The following TRPM3 variants were observed in gnomAD, a reference collection of about 807,000 sequenced individuals.
TRPM3 encodes the protein long transient receptor potential channel 3.
A neutral mutation model predicts 181.2 loss-of-function variants in TRPM3; 77 were observed. That is an observed-to-expected ratio of 0.42 (90% CI 0.35 to 0.51). The LOEUF (loss-of-function observed/expected upper bound fraction) is 0.51. Among genes scored for constraint, TRPM3 ranks in the 20% least tolerant of loss-of-function variants. TRPM3 has a pLI of 0.01. For synonymous variants in TRPM3, 745 were observed against 796.4 expected (o/e 0.94, Z 1.09); for missense variants, 1,759 against 2,196.7 (o/e 0.80, Z 3.98).
At chr9:71,328,225 C>T (rs1000966426) in intron 1 of TRPM3, among the ~76,000 whole-genome samples, 12 of 152,192 alleles carry the variant, frequency 7.9e-5, no homozygotes, top group Non-Finnish European at 1.5e-4. Flanking sequence ...AGTGCAGTGG[C>T]TGATCTCAGC....
intron 1 of TRPM3, among the ~76,000 whole-genome samples, chr9:70,961,676 T>C (rs2097138148): frequency 6.6e-6 from 1 of 152,204 alleles, no homozygotes; most frequent in South Asian, 2.1e-4. Flanking sequence ...GTGACTATTT[T>C]AGTTTTCTCC....
intron 1 of TRPM3, among the ~76,000 whole-genome samples, chr9:71,118,331 T>G (rs1397810654): frequency 6.6e-6 from 1 of 152,202 alleles, no homozygotes; most frequent in Non-Finnish European, 1.5e-5. Flanking sequence ...GGAGGAATAA[T>G]AAGTACATTC....
intron 1 of TRPM3, among the ~76,000 whole-genome samples, chr9:71,066,136 A>G (rs2061892144): frequency 6.6e-6 from 1 of 150,722 alleles, no homozygotes. Context: ...GTTCCTACCT[A>G]TATGTTTAAA....
chr9:70,619,207 T>G, intron 16 of TRPM3, 112 bp from the exon 17 acceptor site: 2 of 793,644 alleles, frequency 2.5e-6, no homozygotes, highest in Non-Finnish European at 2.0e-6. Flanking sequence ...TGTAGGTGTT[T>G]CATATGGGGT....
chr9:70,791,940 C>A (rs1472318268), intron 6 of TRPM3, among the ~76,000 whole-genome samples: 1 of 152,134 alleles, frequency 6.6e-6, no homozygotes, highest in Non-Finnish European at 1.5e-5. Flanking sequence ...GGGGCATTGC[C>A]TTCTTGCTTT....
chr9:70,877,521 C>T (rs2132646198), intron 1 of TRPM3, among the ~76,000 whole-genome samples: 1 of 151,984 alleles, frequency 6.6e-6, no homozygotes, highest in Admixed American at 6.6e-5. Context: ...CTGAAACTCC[C>T]TACAGATTGT....
intron 1 of TRPM3, among the ~76,000 whole-genome samples, chr9:71,437,799 C>G (rs1167923561): frequency 1.4e-5 from 2 of 138,232 alleles, no homozygotes; most frequent in Non-Finnish European, 3.1e-5. Context: ...ACCCAGGGGG[C>G]GGGGGTTGCA....
intron 1 of TRPM3, among the ~76,000 whole-genome samples, chr9:70,935,820 A>G (rs2133472628): frequency 6.6e-6 from 1 of 152,304 alleles, no homozygotes; most frequent in African/African-American, 2.4e-5. Context: ...CCGTACCCCA[A>G]ATCAAAATAT....
intron 1 of TRPM3, among the ~76,000 whole-genome samples, chr9:71,103,770 A>G (rs1308170608): frequency 6.6e-6 from 1 of 152,222 alleles, no homozygotes; most frequent in Non-Finnish European, 1.5e-5. Flanking sequence ...CATCTCACGC[A>G]TAGCACGTAC....
intron 1 of TRPM3, among the ~76,000 whole-genome samples, chr9:71,436,974 T>C (rs2094051105): frequency 6.6e-6 from 1 of 152,250 alleles, no homozygotes; most frequent in Non-Finnish European, 1.5e-5. Context: ...ACAAGTTATA[T>C]TTCTTAATAA....
chr9:70,777,576 C>T (rs1156864455), intron 7 of TRPM3, among the ~76,000 whole-genome samples: 3 of 152,094 alleles, frequency 2.0e-5, no homozygotes, highest in Non-Finnish European at 4.4e-5. Context: ...ATATCTATGT[C>T]TTTATATATA....
intron 1 of TRPM3, among the ~76,000 whole-genome samples, chr9:71,339,194 CTT>C (rs558495090): frequency 1.4e-4 from 21 of 152,088 alleles, no homozygotes; most frequent in African/African-American, 4.8e-4. Flanking sequence ...TAAATGGAGA[CTT>C]ATATAAATTA....
intron 1 of TRPM3, among the ~76,000 whole-genome samples, chr9:70,964,838 A>G (rs181040045): frequency 6.6e-6 from 1 of 151,252 alleles, no homozygotes; most frequent in Non-Finnish European, 1.5e-5. Context: ...ACCTTTTCTG[A>G]CTCTTTTCTG....
At chr9:71,084,088 A>C (rs1293028976) in intron 1 of TRPM3, among the ~76,000 whole-genome samples, 1 of 151,910 alleles carries the variant, frequency 6.6e-6, no homozygotes, top group Non-Finnish European at 1.5e-5. Flanking sequence ...GGAAGAAGGC[A>C]AGCCAGTCTT....
At chr9:70,642,431 T>C (rs766866777) in intron 9 of TRPM3, among the ~76,000 whole-genome samples, 3 of 152,212 alleles carry the variant, frequency 2.0e-5, no homozygotes, top group African/African-American at 4.8e-5. Flanking sequence ...TTCCTCTGGG[T>C]TCGCCAGCAG....
intron 16 of TRPM3, among the ~76,000 whole-genome samples, chr9:70,619,495 C>G (rs11142510): frequency 6.8e-6 from 1 of 146,398 alleles, no homozygotes; most frequent in Non-Finnish European, 1.5e-5. Context: ...CTCACTGCAG[C>G]CTTGACCCCC....
chr9:71,082,044 A>G (rs1446135277), intron 1 of TRPM3, among the ~76,000 whole-genome samples: 1 of 152,218 alleles, frequency 6.6e-6, no homozygotes, highest in African/African-American at 2.4e-5. Context: ...ATTGAAAAGA[A>G]AGTAGAAAAA....
chr9:71,408,372 T>C (rs1277695308), intron 1 of TRPM3, among the ~76,000 whole-genome samples: 1 of 152,064 alleles, frequency 6.6e-6, no homozygotes, highest in Non-Finnish European at 1.5e-5. Context: ...ATTAGACGAA[T>C]GGCTAACAAG....
At chr9:71,339,407 C>T (rs2090796413) in intron 1 of TRPM3, among the ~76,000 whole-genome samples, 1 of 151,986 alleles carries the variant, frequency 6.6e-6, no homozygotes, top group African/African-American at 2.4e-5. Flanking sequence ...GGAAAAATAG[C>T]TTTACCTGAT....
Sources: gnomAD v4.1 joint callset for allele counts (sites outside exome capture counted in the v4.1 genomes callset) on GRCh38, gnomAD v4.1.1 for gene constraint, MANE v1.5 for transcripts, NCBI Gene and HGNC (gene_info 2026-07-23, HGNC 2026-07-21) for gene names.